ASMT: variants seen among roughly 807,000 people sequenced by gnomAD.
ASMT encodes acetylserotonin N-methyltransferase.
Under a neutral mutation model 41.3 loss-of-function variants are expected in ASMT, and 53 were observed. That is an observed-to-expected ratio of 1.28 (90% CI 1.03 to 1.61). ASMT has a LOEUF of 1.61. Ranked by LOEUF, ASMT falls within the 40% of genes most tolerant of loss-of-function variation. ASMT has a pLI of 0.00. For missense variants in ASMT, 531 were observed against 441.3 expected, an observed-to-expected ratio of 1.20 and a Z score of -1.82; for synonymous variants, 231 against 184.8, an observed-to-expected ratio of 1.25 and a Z score of -2.03.
At chrX:1,635,070 G>A (rs1473201200) in intron 7 of ASMT, among the ~76,000 whole-genome samples, 1 of 149,390 alleles carries the variant, frequency 6.7e-6, no homozygotes, top group African/African-American at 2.5e-5. Context: ...CACCTCCCGG[G>A]TTCACACCAT....
intron 2 of ASMT, among the ~76,000 whole-genome samples, chrX:1,624,039 G>A (rs1466836496): frequency 2.0e-5 from 3 of 151,966 alleles, no homozygotes; most frequent in African/African-American, 4.8e-5. Flanking sequence ...CCAAACTCCC[G>A]ATGGGGATTT....
At chrX:1,630,004 T>C in intron 5 of ASMT, 65 bp downstream of exon 5, 1 of 1,344,790 alleles carries the variant, frequency 7.4e-7, no homozygotes. Context: ...GAATGTGTTA[T>C]TCATGTCTTT....
Position 1,643,069 on chromosome X carries a change from A to G in ASMT, c.*55A>G. The G allele has an allele frequency of 6.4e-7, 1 of 1,567,794 alleles. No individual in the cohort carries two copies. Among genetic ancestry groups the G allele is most frequent in the Admixed American group, 1.7e-5 (1 of 59,900 alleles). ...AAGCACACAAGACATAATAATAAAG[A>G]CATGTACCTCCAGTGGCTTCTTGTT... On this transcript the variant is annotated 3_prime_UTR_variant, in exon 9 of 9. Transcript: ENST00000381241.
intron 4 of ASMT, among the ~76,000 whole-genome samples, chrX:1,628,214 G>A (rs772950320): frequency 3.9e-5 from 6 of 152,268 alleles, no homozygotes; most frequent in Admixed American, 1.3e-4. Context: ...CCAGCTAGTC[G>A]GGAGGCTGAG....
chrX:1,634,370 C>A (rs1934883213), intron 7 of ASMT, among the ~76,000 whole-genome samples: 1 of 152,160 alleles, frequency 6.6e-6, no homozygotes, highest in Non-Finnish European at 1.5e-5. Context: ...GCCTGGAGAG[C>A]CTCCGCAATC....
chrX:1,623,310 A>G lies in ASMT; in HGVS notation c.241A>G (p.Lys81Glu), dbSNP rs117343570. The G allele has an allele frequency of 6.4e-4, 1,026 of 1,613,896 alleles. 6 individuals carry two copies. The African/African-American group carries it at 0.012, about 19-fold the overall frequency. ...GCTGAAAGTGGAGACGAGGGGAGGA[A>G]AAGGTGAGGACACGGGCGTTTTGAA... ...KLLKVETRGG[K>E]AFYRNTELSS... Residue 81 changes from lysine to glutamate, a missense_variant, in exon 2 of 9, where the codon AAA becomes GAA. Coordinates refer to ENST00000381241, the MANE Select transcript of ASMT (RefSeq NM_001171038.2).
intron 4 of ASMT, among the ~76,000 whole-genome samples, chrX:1,628,857 G>T (rs1191723208): frequency 2.1e-5 from 3 of 142,866 alleles, no homozygotes; most frequent in Non-Finnish European, 3.0e-5. Context: ...CTGTTTTCAT[G>T]CCCCGTATTT....
intron 3 of ASMT, among the ~76,000 whole-genome samples, chrX:1,625,090 T>G (rs1281720299): frequency 7.3e-6 from 1 of 136,156 alleles, no homozygotes; most frequent in African/African-American, 2.9e-5. Context: ...TTTCTTTGTT[T>G]TTTCTTTTCT....
rs750753150 is a variant in ASMT, at chrX:1,628,779, C to T, written c.443+1008C>T. On this transcript the variant is annotated intron_variant, in intron 4 of 8. Transcript: ENST00000381241. ...TCTTCTTCCCTCTCTCCTTTCCTCTCGCCTCCCTTCCCCTCCCTTCACCTG... is the reference window on the plus strand; with the variant it reads ...TCTTCTTCCCTCTCTCCTTTCCTCTTGCCTCCCTTCCCCTCCCTTCACCTG... 6.7e-5 allele frequency among the ~76,000 whole-genome samples: 10 copies of T among 149,640 alleles called. No individual in the cohort carries two copies. The East Asian group carries it at 1.6e-3, about 24-fold the overall frequency.
chrX:1,619,494 T>C (rs1934258244), intron 1 of ASMT, among the ~76,000 whole-genome samples: 1 of 148,052 alleles, frequency 6.8e-6, no homozygotes, highest in Non-Finnish European at 1.5e-5. Context: ...CCATGGCACA[T>C]GTATACCTGT....
chrX:1,626,505 A>G (rs1333356288), intron 3 of ASMT, among the ~76,000 whole-genome samples: 1 of 152,022 alleles, frequency 6.6e-6, no homozygotes, highest in Non-Finnish European at 1.5e-5. Flanking sequence ...GAGTGTTAGG[A>G]TTATAGGTGT....
At chrX:1,640,424 T>C (rs56035557) in intron 8 of ASMT, among the ~76,000 whole-genome samples, 2 of 20,220 alleles carry the variant, frequency 9.9e-5, no homozygotes, top group Admixed American at 1.2e-3. Flanking sequence ...TCCTGATGGT[T>C]CATGAGGATG....
chrX:1,622,970 AG>A (rs1180531127), intron 1 of ASMT, 168 bp from the exon 2 acceptor site: 1 of 162,120 alleles, frequency 6.2e-6, no homozygotes, highest in African/African-American at 2.4e-5. Flanking sequence ...TGTTTTCCAT[AG>A]TGGTGCAATC....
chrX:1,623,006 A>C (rs190155172), intron 1 of ASMT, 133 bp from the exon 2 acceptor site: 3 of 819,156 alleles, frequency 3.7e-6, no homozygotes, highest in Non-Finnish European at 5.7e-6. Context: ...CTCAAAAAAA[A>C]AAATAAATAA....
chrX:1,642,791 C>T lies in ASMT; in HGVS notation c.911-12C>T. The T allele has an allele frequency of 6.2e-7, 1 of 1,613,340 alleles. No homozygotes were observed. The highest frequency in any genetic ancestry group is 1.3e-5 in the African/African-American group (1 of 75,026). On this transcript the variant is annotated splice_polypyrimidine_tract_variant and intron_variant, in intron 8 of 8. Transcript: ENST00000381241. ...TTTGTGTGTGATGTGGACTGTGCCC[C>T]TCCCTTTCTAGGTGGTGGCATTCTG... is the stretch of plus-strand genomic sequence containing the variant.
intron 1 of ASMT, among the ~76,000 whole-genome samples, chrX:1,616,237 C>G (rs766560420): frequency 8.6e-5 from 13 of 151,570 alleles, no homozygotes; most frequent in Admixed American, 7.2e-4. Flanking sequence ...CCATGTTGGC[C>G]AGGCTGGTCT....
At chrX:1,636,624 A>G (rs1934977059) in intron 8 of ASMT, 64 bp downstream of exon 8, 37 of 1,612,492 alleles carry the variant, frequency 2.3e-5, no homozygotes, top group Non-Finnish European at 3.0e-5. Flanking sequence ...TACGAGTCAC[A>G]TTTAGAAGGC....
In ASMT at chrX:1,636,299, A is replaced by G. The variant is rs762637288; in HGVS notation, c.788-139A>G. 1.6e-4 allele frequency: 206 copies of G among 1,276,276 alleles called. No homozygotes were observed. In the African/African-American group the frequency reaches 2.6e-3, roughly 16 times the overall value. The allele number at this position is 1,276,276 out of a possible 1,614,324, so 79.1% of individuals were successfully genotyped here. Reference sequence around the variant, plus strand: ...TTCTCCTAAGCCTTTTTGTTTTCTGAGGCTAGGTCTGCAGGTGACTAGCCT... The same window carrying G: ...TTCTCCTAAGCCTTTTTGTTTTCTGGGGCTAGGTCTGCAGGTGACTAGCCT... On this transcript the variant is annotated intron_variant, in intron 7 of 8. Coordinates refer to ENST00000381241, the MANE Select transcript of ASMT (RefSeq NM_001171038.2).
intron 8 of ASMT, among the ~76,000 whole-genome samples, chrX:1,637,049 GGCA>G (rs1935009120): frequency 9.4e-6 from 1 of 106,312 alleles, no homozygotes; most frequent in Non-Finnish European, 1.9e-5. Flanking sequence ...CCATCCTGAT[GGCA>G]CATGAGGATG....
Sources: gnomAD v4.1 joint callset for allele counts (sites outside exome capture counted in the v4.1 genomes callset) on GRCh38, gnomAD v4.1.1 for gene constraint, MANE v1.5 for transcripts, NCBI Gene and HGNC (gene_info 2026-07-23, HGNC 2026-07-21) for gene names.